The following TMEM132A variants were observed in gnomAD, a reference collection of about 807,000 sequenced individuals.
The protein encoded by TMEM132A is transmembrane protein 132A, also known as GRP78-binding protein.
In TMEM132A, 48 loss-of-function variants were observed where a neutral mutation model predicts 69.9. That is an observed-to-expected ratio of 0.69 (90% CI 0.55 to 0.87). TMEM132A has a LOEUF of 0.87. TMEM132A is among the 40% of genes least tolerant of loss of function. The probability of loss-of-function intolerance (pLI) is 0.00; values close to 1 mark genes in which losing one functional copy is unlikely to be tolerated. For synonymous variants in TMEM132A, 577 were observed against 613.7 expected (o/e 0.94, Z 0.88); for missense variants, 1,287 against 1,407.2 (o/e 0.91, Z 1.37).
chr11:60,928,579 C>G, intron 3 of TMEM132A, 50 bp from the exon 4 acceptor site: 3 of 1,542,906 alleles, frequency 1.9e-6, no homozygotes, highest in East Asian at 2.2e-5. Context: ...AATCCTGTTC[C>G]TCGCCCTGCA....
In TMEM132A at chr11:60,935,948, T is replaced by C. The variant is rs767018069; in HGVS notation, c.2113T>C (p.Ser705Pro). 2 of 1,611,862 alleles carry C rather than the reference T, an allele frequency of 1.2e-6. No individual in the cohort carries two copies. Among genetic ancestry groups the C allele is most frequent in the East Asian group, 4.5e-5 (2 of 44,878 alleles). The change falls in exon 11 of 11, where the codon TCC becomes CCC. Residue 705 changes from serine to proline, a missense_variant. Ser to Pro is a moderately conservative substitution (Grantham distance 74). Transcript: ENST00000453848. This position sits in a 1 kb window ranked among gnomAD's most constrained non-coding sequence, Gnocchi z 5.0. ...ELYDRRDLGL[S>P]VSAEEPGAIL... ...CTACGACCGCCGTGACCTGGGACTGTCCGTCTCAGCCGAGGAGCCTGGTGC... is the reference window on the plus strand; with the variant it reads ...CTACGACCGCCGTGACCTGGGACTGCCCGTCTCAGCCGAGGAGCCTGGTGC...
rs954502590 is a variant in TMEM132A, at chr11:60,924,475, T to A, written c.-159T>A. ...CTCCCACCCCACTGCTCCCGCTCCA[T>A]TGTCTGGGAATTGCAGCCGCGGGGC... is the stretch of plus-strand genomic sequence containing the variant. On this transcript the variant is annotated 5_prime_UTR_variant, in exon 1 of 11. The change creates a new upstream start codon in the 5' untranslated region. Coordinates refer to ENST00000453848, the MANE Select transcript of TMEM132A (RefSeq NM_178031.3). 2.4e-6 allele frequency: 1 copy of A among 411,214 alleles called. No homozygotes were observed. The highest frequency in any genetic ancestry group is 4.1e-6 in the Non-Finnish European group (1 of 245,862). The allele number at this position is 411,214 out of a possible 1,614,324, so 25.5% of individuals were successfully genotyped here. A position where few individuals can be genotyped will look rare whatever the true frequency, so the allele number is the denominator to read the frequency against.
At position 60,927,204 on chromosome 11, in the gene TMEM132A, T is replaced by C. The variant is rs1325725855; in HGVS notation, c.101T>C (p.Val34Ala). ...LVALALDVVR[V>A]DCGQAPLDPV... ...ATCTCTCCCTCTTATGCCTCTTCAG[T>C]GGACTGTGGCCAGGCTCCCCTGGAC... The change falls in exon 2 of 11, where the codon GTG becomes GCG. Residue 34 changes from valine (V) to alanine (A), a missense_variant and splice_region_variant. By Grantham distance (64) the Val-to-Ala change is moderately conservative. Transcript: ENST00000453848. 1 of 1,612,310 alleles carries C rather than the reference T, an allele frequency of 6.2e-7. No homozygotes were observed. Among genetic ancestry groups the C allele is most frequent in the Non-Finnish European group, 8.5e-7 (1 of 1,179,884 alleles).
In TMEM132A at chr11:60,927,363, G is replaced by C. The variant is rs1367114784; in HGVS notation, c.260G>C (p.Trp87Ser). The C allele has an allele frequency of 6.2e-7, 1 of 1,613,208 alleles. No homozygotes were observed. Among genetic ancestry groups the C allele is most frequent in the Non-Finnish European group, 8.5e-7 (1 of 1,179,980 alleles). ...RSETFLLLQP[W>S]PRAQPLLRAS... ...GAGACCTTTCTGCTCCTACAGCCCT[G>C]GCCCAGGGCCCAGCCACTTCTCCGG... The change falls in exon 2 of 11, where the codon TGG (tryptophan) becomes TCG (serine). Residue 87 changes from tryptophan (W) to serine (S), a missense_variant. By Grantham distance (177) the Trp-to-Ser change is radical. Transcript: ENST00000453848.
rs1012655495 is a variant in TMEM132A at position 60,937,063 on chromosome 11, G to GCC, written c.*159_*160dup. 6 of 1,315,052 alleles carry GCC rather than the reference G, an allele frequency of 4.6e-6. No homozygotes were observed. In the African/African-American group the frequency reaches 8.9e-5, roughly 19 times the overall value. 81.5% of individuals were successfully genotyped at this position (1,315,052 alleles called of 1,614,324 possible). A position where few individuals can be genotyped will look rare whatever the true frequency, so the allele number is the denominator to read the frequency against. On this transcript the variant is annotated 3_prime_UTR_variant, in exon 11 of 11. Coordinates refer to ENST00000453848, the MANE Select transcript of TMEM132A (RefSeq NM_178031.3). Reference sequence around the variant, plus strand: ...CTCCCATCCAGGCCCCCTCTGCCCTGCCCCTTGTCATGGACCATGGTCGTG... The same window carrying GCC: ...CTCCCATCCAGGCCCCCTCTGCCCTGCCCCCCTTGTCATGGACCATGGTCGTG...
rs961827148 is a variant in TMEM132A at position 60,932,184 on chromosome 11, A to G, written c.1356+57A>G. On this transcript the variant is annotated intron_variant, in intron 7 of 10. Coordinates refer to ENST00000453848, the MANE Select transcript of TMEM132A (RefSeq NM_178031.3). ...TGCATTTGTGTGGGCACAGTTACGC[A>G]CACACACCTTTCCTCCTTCCTCATG... The G allele has an allele frequency of 4.7e-6, 7 of 1,492,208 alleles. No individual in the cohort carries two copies. In the African/African-American group the frequency reaches 5.6e-5, roughly 12 times the overall value. The allele number at this position is 1,492,208 out of a possible 1,614,324, so 92.4% of individuals were successfully genotyped here. A position where few individuals can be genotyped will look rare whatever the true frequency, so the allele number is the denominator to read the frequency against.
chr11:60,930,470 C>G, intron 4 of TMEM132A, 40 bp from the exon 5 acceptor site: 1 of 1,554,254 alleles, frequency 6.4e-7, no homozygotes, highest in Non-Finnish European at 8.7e-7. Flanking sequence ...CACAGTTCAG[C>G]ATGCACCTTG....
chr11:60,934,450 C>A (rs889358864), intron 8 of TMEM132A, 38 bp from the exon 9 acceptor site: 6 of 1,346,452 alleles, frequency 4.5e-6, no homozygotes, highest in Non-Finnish European at 5.7e-6. Flanking sequence ...TGGGGCCGCT[C>A]AGCGCTGACG....
chr11:60,932,191 C>T, intron 7 of TMEM132A, 64 bp downstream of exon 7: 1 of 1,474,064 alleles, frequency 6.8e-7, no homozygotes, highest in Admixed American at 2.5e-5. Flanking sequence ...CGCACACACA[C>T]CTTTCCTCCT....
At chr11:60,927,506 C>A in intron 2 of TMEM132A, 88 bp downstream of exon 2, 1 of 1,435,902 alleles carries the variant, frequency 7.0e-7, no homozygotes. Context: ...TCCCCAGCCC[C>A]GGCTGTGCTC....
Position 60,935,717 on chromosome 11 carries a change from C to T in TMEM132A, c.2029-147C>T. The T allele has an allele frequency of 2.0e-6, 2 of 981,438 alleles. No homozygotes were observed. Among genetic ancestry groups the T allele is most frequent in the African/African-American group, 1.6e-5 (1 of 61,248 alleles). 60.8% of individuals were successfully genotyped at this position (981,438 alleles called of 1,614,324 possible). On this transcript the variant is annotated intron_variant, in intron 10 of 10. Coordinates refer to ENST00000453848, the MANE Select transcript of TMEM132A (RefSeq NM_178031.3). The surrounding 1 kb of genome is among the most constrained non-coding windows in gnomAD (Gnocchi z 5.0). Reference sequence around the variant, plus strand: ...GGCAGACAGGTGATTGACACGCGTCCCCTCTCTCCCTGTGTTTTGTCTATC... The same window carrying T: ...GGCAGACAGGTGATTGACACGCGTCTCCTCTCTCCCTGTGTTTTGTCTATC...
chr11:60,927,837 C>G lies in TMEM132A; in HGVS notation c.512C>G (p.Ala171Gly). The G allele has an allele frequency of 6.2e-7, 1 of 1,609,916 alleles. No homozygotes were observed. The highest frequency in any genetic ancestry group is 1.1e-5 in the South Asian group (1 of 91,004). The change falls in exon 3 of 11, where the codon GCT (alanine) becomes GGT (glycine). Residue 171 changes from alanine to glycine, a missense_variant. Transcript: ENST00000453848. ...CATGCCACACACCCTGCCGGCACTG[C>G]TCACCAAGCCTGCCGCTTCCAGGTG... is the stretch of plus-strand genomic sequence containing the variant. ...RLHATHPAGT[A>G]HQACRFQPSL... is the part of the protein sequence containing the mutation.
chr11:60,927,230 C>T lies in TMEM132A; in HGVS notation c.127C>T (p.Pro43Ser), dbSNP rs755887076. The stretch of plus-strand genomic sequence containing the variant: ...GGACTGTGGCCAGGCTCCCCTGGAC[C>T]CTGTCTACCTGCCGGCAGCCCTGGA... Reference protein sequence around the residue: ...RVDCGQAPLDPVYLPAALELL... With the variant: ...RVDCGQAPLDSVYLPAALELL... Residue 43 changes from proline (P) to serine (S), a missense_variant, in exon 2 of 11, where the codon CCT becomes TCT. By Grantham distance (74) the Pro-to-Ser change is moderately conservative. Transcript: ENST00000453848. 8.1e-6 allele frequency: 13 copies of T among 1,613,360 alleles called. No individual in the cohort carries two copies. Among genetic ancestry groups the T allele is most frequent in the Non-Finnish European group, 1.1e-5 (13 of 1,179,984 alleles).
At chr11:60,927,464 C>A in intron 2 of TMEM132A, 46 bp downstream of exon 2, 4 of 1,555,354 alleles carry the variant, frequency 2.6e-6, no homozygotes, top group Non-Finnish European at 3.5e-6. Context: ...GGACTCAGGG[C>A]CTGAGGTCTG....
At chr11:60,926,680 C>G (rs993002026) in intron 1 of TMEM132A, 5 of 190,292 alleles carry the variant, frequency 2.6e-5, no homozygotes, top group Non-Finnish European at 5.4e-5. Flanking sequence ...CGATACCAGT[C>G]GGTTCAGGGA....
chr11:60,935,390 G>C lies in TMEM132A; in HGVS notation c.1975G>C (p.Gly659Arg). 4 of 1,612,048 alleles carry C rather than the reference G, an allele frequency of 2.5e-6. No homozygotes were observed. Among genetic ancestry groups the C allele is most frequent in the Non-Finnish European group, 3.4e-6 (4 of 1,179,394 alleles). ...LTLSRGTAHP[G>R]EVTATCWAQS... ...CTTGAGCCGGGGCACTGCCCACCCC[G>C]GGGAGGTCACAGCTACGTGCTGGGC... Residue 659 changes from glycine to arginine, a missense_variant, in exon 10 of 11, where the codon GGG (glycine) becomes CGG (arginine). Transcript: ENST00000453848. This position sits in a 1 kb window ranked among gnomAD's most constrained non-coding sequence, Gnocchi z 5.0.
At chr11:60,929,139 G>C (rs1856421446) in intron 4 of TMEM132A, among the ~76,000 whole-genome samples, 179 bp downstream of exon 4, 1 of 152,194 alleles carries the variant, frequency 6.6e-6, no homozygotes, top group African/African-American at 2.4e-5. Context: ...GCCCACCATG[G>C]GCACAGCCCT....
intron 5 of TMEM132A, among the ~76,000 whole-genome samples, chr11:60,930,915 A>G (rs752606554): frequency 8.5e-5 from 13 of 152,186 alleles, no homozygotes; most frequent in Non-Finnish European, 7.3e-5. Flanking sequence ...GATGCCAACC[A>G]ATCCTGTGCC....
chr11:60,927,431 C>A lies in TMEM132A; in HGVS notation c.315+13C>A. ...TGCCACTCAGCAGGTAAGGAGGGGG[C>A]ACCGGGGACTCTCAGGCTAACAGGA... On this transcript the variant is annotated intron_variant, in intron 2 of 10. Coordinates refer to ENST00000453848, the MANE Select transcript of TMEM132A (RefSeq NM_178031.3). The A allele has an allele frequency of 1.2e-6, 2 of 1,603,294 alleles. No individual in the cohort carries two copies. The highest frequency in any genetic ancestry group is 1.7e-6 in the Non-Finnish European group (2 of 1,174,152).
Sources: gnomAD v4.1 joint callset for allele counts (sites outside exome capture counted in the v4.1 genomes callset) on GRCh38, gnomAD v4.1.1 for gene constraint, Gnocchi (gnomAD v3.1) non-coding constraint, MANE v1.5 for transcripts, NCBI Gene and HGNC (gene_info 2026-07-23, HGNC 2026-07-21) for gene names.